ATP2B1: variants seen among roughly 807,000 people sequenced by gnomAD.
The protein encoded by ATP2B1 is ATPase plasma membrane Ca2+ transporting 1, also known as plasma membrane calcium-transporting ATPase 1.
A neutral mutation model predicts 124.2 loss-of-function variants in ATP2B1; 14 were observed. That is an observed-to-expected ratio of 0.11 (90% CI 0.07 to 0.18). The LOEUF (loss-of-function observed/expected upper bound fraction) is 0.18. Ranked by LOEUF, ATP2B1 falls within the 10% of genes least tolerant of loss-of-function variation. ATP2B1 has a pLI of 1.00. For missense variants in ATP2B1, 763 were observed against 1,466.1 expected (o/e 0.52, Z 7.83); for synonymous variants, 449 against 492.4 (o/e 0.91, Z 1.17).
intron 9 of ATP2B1, among the ~76,000 whole-genome samples, chr12:89,623,908 T>G (rs2136104359): frequency 6.6e-6 from 1 of 152,302 alleles, no homozygotes; most frequent in South Asian, 2.1e-4. Context: ...ACAATATAAC[T>G]ATCACGTAGA....
chr12:89,685,326 G>A (rs983829071), intron 1 of ATP2B1, among the ~76,000 whole-genome samples: 3 of 152,092 alleles, frequency 2.0e-5, no homozygotes, highest in Non-Finnish European at 4.4e-5. Context: ...ATGGGTAAAC[G>A]AAATCAATGT....
Position 89,682,387 on chromosome 12 carries a change from T to C in ATP2B1, c.-222+26209A>G, listed in dbSNP as rs771071828. Reference sequence around the variant, plus strand: ...GTTTTCGTTTAGGGGAAACGAAACATGCAAAAATAGCCAAGAAACCACAGC... The same window carrying C: ...GTTTTCGTTTAGGGGAAACGAAACACGCAAAAATAGCCAAGAAACCACAGC... On this transcript the variant is annotated intron_variant, in intron 1 of 20. Coordinates refer to ENST00000428670, the MANE Select transcript of ATP2B1 (RefSeq NM_001366521.1). Among the ~76,000 whole-genome samples the C allele has an allele frequency of 4.1e-4, 63 of 152,080 alleles. 1 individual carries two copies. The highest frequency in any genetic ancestry group is 5.1e-4 in the Non-Finnish European group (35 of 68,008).
At chr12:89,669,572 T>G (rs1419961352) in intron 1 of ATP2B1, among the ~76,000 whole-genome samples, 1 of 152,142 alleles carries the variant, frequency 6.6e-6, no homozygotes, top group Non-Finnish European at 1.5e-5. Flanking sequence ...ATCACCTCCA[T>G]CTCATAATTT....
intron 1 of ATP2B1, among the ~76,000 whole-genome samples, chr12:89,673,066 T>C (rs1888188004): frequency 6.6e-6 from 1 of 152,168 alleles, no homozygotes; most frequent in South Asian, 2.1e-4. Flanking sequence ...ACACAAAAAC[T>C]CTATTCCTAT....
intron 1 of ATP2B1, among the ~76,000 whole-genome samples, chr12:89,688,312 A>G (rs529852182): frequency 6.6e-6 from 1 of 152,260 alleles, no homozygotes; most frequent in South Asian, 2.1e-4. Flanking sequence ...CAGCAGTTCA[A>G]ACTATTAACT....
At chr12:89,676,324 G>C (rs146659744) in intron 1 of ATP2B1, among the ~76,000 whole-genome samples, 312 of 152,292 alleles carry the variant, frequency 2.0e-3, no homozygotes, top group South Asian at 3.7e-3. Context: ...ATGGTTGCTA[G>C]AATTACTGGT....
chr12:89,669,081 A>ATGTACTGCATTTTCTTG (rs1173537041), intron 1 of ATP2B1, among the ~76,000 whole-genome samples: 1 of 152,134 alleles, frequency 6.6e-6, no homozygotes, highest in African/African-American at 2.4e-5. Context: ...CACACTCAGT[A>ATGTACTGCATTTTCTTG]TGTACTGCAT....
chr12:89,698,065 T>C (rs987644047), intron 1 of ATP2B1, among the ~76,000 whole-genome samples: 1 of 152,180 alleles, frequency 6.6e-6, no homozygotes, highest in African/African-American at 2.4e-5. Flanking sequence ...AAGACGGGGT[T>C]TCACCATTTT....
At chr12:89,610,116 C>A in intron 14 of ATP2B1, 73 bp from the exon 15 acceptor site, 1 of 1,370,170 alleles carries the variant, frequency 7.3e-7, no homozygotes, top group Non-Finnish European at 1.0e-6. Context: ...AATATCCTGA[C>A]GTCGGTTTTA....
intron 1 of ATP2B1, among the ~76,000 whole-genome samples, chr12:89,656,852 A>G (rs1021601150): frequency 6.7e-6 from 1 of 149,178 alleles, no homozygotes; most frequent in Non-Finnish European, 1.5e-5. Flanking sequence ...ATTTGTTTAT[A>G]TGTTATTTTT....
intron 1 of ATP2B1, among the ~76,000 whole-genome samples, chr12:89,674,564 GT>G (rs1046180514): frequency 6.6e-6 from 1 of 152,164 alleles, no homozygotes; most frequent in Non-Finnish European, 1.5e-5. Context: ...TATGCTGCCA[GT>G]TTTACATAAA....
At chr12:89,627,978 TA>T (rs1469696369) in intron 6 of ATP2B1, among the ~76,000 whole-genome samples, 29 of 152,218 alleles carry the variant, frequency 1.9e-4, no homozygotes, top group Middle Eastern at 3.4e-3. Context: ...TAAGCTGTAA[TA>T]AACCTAAATA....
chr12:89,664,234 T>G (rs769776148), intron 1 of ATP2B1, among the ~76,000 whole-genome samples: 1 of 152,190 alleles, frequency 6.6e-6, no homozygotes, highest in Non-Finnish European at 1.5e-5. Context: ...CAAAGCAGAA[T>G]AGGTGACTCA....
intron 5 of ATP2B1, 67 bp from the exon 6 acceptor site, chr12:89,630,712 A>G: frequency 2.5e-6 from 3 of 1,204,124 alleles, no homozygotes; most frequent in Non-Finnish European, 3.3e-6. Context: ...CCAAATTTCA[A>G]ACTTCAGTAA....
At chr12:89,699,870 G>A (rs1000653348) in intron 1 of ATP2B1, among the ~76,000 whole-genome samples, 6 of 151,972 alleles carry the variant, frequency 3.9e-5, no homozygotes, top group South Asian at 2.1e-4. Flanking sequence ...AGACAGAGAC[G>A]GTCTCCCTCT....
chr12:89,697,179 T>G (rs1426840332), intron 1 of ATP2B1, among the ~76,000 whole-genome samples: 2 of 151,652 alleles, frequency 1.3e-5, no homozygotes, highest in Non-Finnish European at 2.9e-5. Flanking sequence ...GAAACAGAAA[T>G]CATACACCAG....
At chr12:89,608,215 C>A (rs765964804) in intron 15 of ATP2B1, among the ~76,000 whole-genome samples, 2 of 152,144 alleles carry the variant, frequency 1.3e-5, no homozygotes, top group Admixed American at 6.5e-5. Flanking sequence ...GTCACCTAGG[C>A]TGGAGTGCAG....
chr12:89,618,370 G>A (rs1879371595), intron 11 of ATP2B1, among the ~76,000 whole-genome samples: 1 of 152,148 alleles, frequency 6.6e-6, no homozygotes. Context: ...GTCATCACCC[G>A]CTTTCTCAGA....
rs199899576 is a variant in ATP2B1, at chr12:89,655,881, G to T, written c.6C>A (p.Gly2=). The T allele has an allele frequency of 2.5e-6, 4 of 1,588,722 alleles. No individual in the cohort carries two copies. The highest frequency in any genetic ancestry group is 1.8e-5 in the Admixed American group (1 of 56,090). Residue 2 remains glycine (G), a synonymous_variant, in exon 2 of 21, where the codon GGC becomes GGA. Coordinates refer to ENST00000428670, the MANE Select transcript of ATP2B1 (RefSeq NM_001366521.1). The part of the protein sequence containing the change: M[G]DMANNSVAYS... ...AAGCAACTGAGTTGTTTGCCATGTC[G>T]CCCATTACAAGTATAATATATCAGA...
Sources: gnomAD v4.1 joint callset for allele counts (sites outside exome capture counted in the v4.1 genomes callset) on GRCh38, gnomAD v4.1.1 for gene constraint, MANE v1.5 for transcripts, NCBI Gene and HGNC (gene_info 2026-07-23, HGNC 2026-07-21) for gene names.